SPATA1: variants seen among roughly 807,000 people sequenced by gnomAD.
SPATA1 encodes the protein spermatogenesis associated 1, also known as spermatogenesis-associated protein 1.
Under a neutral mutation model 59.6 loss-of-function variants are expected in SPATA1, and 57 were observed. That is an observed-to-expected ratio of 0.96 (90% confidence interval 0.77 to 1.19). The LOEUF is 1.19. Ranked by LOEUF, SPATA1 falls within the 50% of genes most tolerant of loss-of-function variation. The probability of loss-of-function intolerance (pLI) is 0.00; values close to 1 mark genes in which losing one functional copy is unlikely to be tolerated. For synonymous variants in SPATA1, 147 were observed against 163.9 expected (o/e 0.90, Z 0.79); for missense variants, 448 against 480.7 (o/e 0.93, Z 0.64).
intron 8 of SPATA1, among the ~76,000 whole-genome samples, chr1:84,541,335 G>T (rs1282563270): frequency 6.6e-6 from 1 of 151,614 alleles, no homozygotes; most frequent in Admixed American, 6.6e-5. Flanking sequence ...TTTCTTTCAG[G>T]GGCAACAATT....
intron 4 of SPATA1, among the ~76,000 whole-genome samples, chr1:84,562,250 G>A (rs750171572): frequency 6.6e-6 from 1 of 152,344 alleles, no homozygotes; most frequent in South Asian, 2.1e-4. Context: ...TTGCACACAT[G>A]TGCATCTGTG....
intron 4 of SPATA1, among the ~76,000 whole-genome samples, chr1:84,559,605 G>A (rs1472975316): frequency 6.6e-6 from 1 of 152,034 alleles, no homozygotes; most frequent in Admixed American, 6.5e-5. Context: ...CTGGGTGACG[G>A]AGCGATACTC....
chr1:84,522,415 G>T, exon 4 of SPATA1: 1 of 1,500,576 alleles, frequency 6.7e-7, no homozygotes, highest in South Asian at 1.4e-5. Flanking sequence ...TACTTTACGA[G>T]CCCTGAGGGA....
At chr1:84,516,117 AT>A in intron 1 of SPATA1, 105 bp from the exon 2 acceptor site, 1 of 400,212 alleles carries the variant, frequency 2.5e-6, no homozygotes, top group Non-Finnish European at 4.4e-6. Flanking sequence ...TACTAGTAAT[AT>A]GTCCTTTTGA....
At position 84,524,422 on chromosome 1, in the gene SPATA1, C is replaced by T. The variant is rs921578485; in HGVS notation, c.262-1274C>T. ...TGACTAAGAGTGACATGATTAGAGC[C>T]TTCAGTAAAATTAATTGGGCCTCAC... On this transcript the variant is annotated intron_variant, in intron 4 of 12. Coordinates refer to ENST00000490879, the Ensembl canonical transcript of SPATA1. Among the ~76,000 whole-genome samples the T allele has an allele frequency of 3.9e-5, 6 of 152,006 alleles. 1 individual carries two copies. The East Asian group carries it at 1.2e-3, about 29-fold the overall frequency.
chr1:84,533,891 A>C, intron 8 of SPATA1, 125 bp downstream of exon 8: 1 of 581,258 alleles, frequency 1.7e-6, no homozygotes, highest in South Asian at 2.5e-5. Flanking sequence ...ATATCAATAT[A>C]ATCAATAGTA....
chr1:84,557,533 CAAAAAAAAAAAAAAA>C (rs56101174), downstream of SPATA1, among the ~76,000 whole-genome samples: 1 of 55,438 alleles, frequency 1.8e-5, no homozygotes, highest in Non-Finnish European at 3.5e-5. Context: ...AACTCCATCT[CAAAAAAAAAAAAAAA>C]AAAAAGAAAA....
intron 4 of SPATA1, among the ~76,000 whole-genome samples, chr1:84,561,975 A>G (rs910822051): frequency 2.6e-5 from 4 of 152,114 alleles, no homozygotes; most frequent in African/African-American, 9.7e-5. Flanking sequence ...TCTAGAACTG[A>G]CTCTGCAATA....
downstream of SPATA1, among the ~76,000 whole-genome samples, chr1:84,558,238 A>G (rs1345117356): frequency 1.3e-5 from 2 of 152,154 alleles, no homozygotes; most frequent in East Asian, 3.9e-4. Flanking sequence ...GTATAGATAT[A>G]TCAAAACATC....
At chr1:84,531,949 A>T (rs1374681447) in intron 6 of SPATA1, among the ~76,000 whole-genome samples, 2 of 152,210 alleles carry the variant, frequency 1.3e-5, no homozygotes, top group Non-Finnish European at 2.9e-5. Flanking sequence ...AGGGAAAAAA[A>T]TCTGAATTAA....
At chr1:84,555,209 T>A (rs1219910074), downstream of SPATA1, 4 of 1,588,208 alleles carry the variant, frequency 2.5e-6, no homozygotes, top group African/African-American at 5.4e-5. Flanking sequence ...CCTATATAAA[T>A]AAATTAAAAT....
chr1:84,510,990 ATGGTTACCAGAGGC>A (rs1682513901), intron 1 of SPATA1, among the ~76,000 whole-genome samples: 2 of 152,166 alleles, frequency 1.3e-5, no homozygotes, highest in Non-Finnish European at 2.9e-5. Flanking sequence ...TAGTAGAATG[ATGGTTACCAGAGGC>A]TGGGAAGGGT....
chr1:84,545,039 T>C (rs981164705), intron 9 of SPATA1, among the ~76,000 whole-genome samples: 2 of 150,072 alleles, frequency 1.3e-5, no homozygotes, highest in African/African-American at 4.9e-5. Context: ...TGAAACCCCA[T>C]CTCTACTAAA....
chr1:84,548,387 A>G (rs973332336), intron 10 of SPATA1, among the ~76,000 whole-genome samples: 2 of 149,896 alleles, frequency 1.3e-5, no homozygotes, highest in Admixed American at 6.7e-5. Flanking sequence ...TAACATACAT[A>G]TATTACTTTT....
At position 84,525,755 on chromosome 1, in the gene SPATA1, T is replaced by C; in HGVS notation, c.315+6T>C. On this transcript the variant is annotated splice_donor_region_variant and intron_variant, in intron 5 of 12. Transcript: ENST00000490879. ...AATCATTTGCTCCTCCATATGTATG[T>C]AATGTGACATTTTAAACTTATGCTA... The C allele has an allele frequency of 6.2e-7, 1 of 1,605,226 alleles. No homozygotes were observed. The highest frequency in any genetic ancestry group is 8.5e-7 in the Non-Finnish European group (1 of 1,177,938).
chr1:84,536,973 A>G (rs1683720220), intron 8 of SPATA1, among the ~76,000 whole-genome samples: 2 of 147,418 alleles, frequency 1.4e-5, no homozygotes, highest in African/African-American at 5.0e-5. Flanking sequence ...TCTGCCACCC[A>G]GGTTCAAGCG....
chr1:84,556,860 A>G (rs772911545), downstream of SPATA1, among the ~76,000 whole-genome samples: 24 of 152,176 alleles, frequency 1.6e-4, no homozygotes, highest in Non-Finnish European at 2.8e-4. Flanking sequence ...TTTTAGAACT[A>G]GACAAAGCCA....
chr1:84,560,353 G>T (rs1684567853), intron 4 of SPATA1, among the ~76,000 whole-genome samples: 1 of 152,076 alleles, frequency 6.6e-6, no homozygotes, highest in African/African-American at 2.4e-5. Flanking sequence ...TCACAGAGAG[G>T]CCAAGAAAAA....
At chr1:84,550,786 A>C in intron 12 of SPATA1, 1 of 1,044,488 alleles carries the variant, frequency 9.6e-7, no homozygotes, top group East Asian at 6.4e-5. Flanking sequence ...AGGAAAAGGA[A>C]CCTGTGAGTC....
Sources: allele counts gnomAD v4.1 joint callset (sites outside exome capture counted in the v4.1 genomes callset), GRCh38; gene constraint gnomAD v4.1.1; transcripts MANE v1.5; gene names NCBI Gene and HGNC (gene_info 2026-07-23, HGNC 2026-07-21).